The following RAB11FIP1 variants were observed in gnomAD, a reference collection of about 807,000 sequenced individuals.
RAB11FIP1 encodes rab11 family-interacting protein 1.
In RAB11FIP1, 49 loss-of-function variants were observed where a neutral mutation model predicts 83.1. The observed-to-expected ratio is 0.59, with a 90% CI of 0.47 to 0.75. RAB11FIP1 has a LOEUF of 0.75. RAB11FIP1 is among the 30% of genes least tolerant of loss of function. RAB11FIP1 has a pLI of 0.00. For missense variants in RAB11FIP1, 1,536 were observed against 1,598.7 expected (o/e 0.96, Z 0.67); for synonymous variants, 670 against 656.0 (o/e 1.02, Z -0.33).
At chr8:37,869,478 G>T (rs1806405548) in intron 5 of RAB11FIP1, among the ~76,000 whole-genome samples, 1 of 152,070 alleles carries the variant, frequency 6.6e-6, no homozygotes, top group African/African-American at 2.4e-5. Context: ...TACAGTCCCA[G>T]CTACTTGGGA....
At chr8:37,898,847 A>T (rs1224288400) in intron 1 of RAB11FIP1, among the ~76,000 whole-genome samples, 1 of 149,564 alleles carries the variant, frequency 6.7e-6, no homozygotes, top group African/African-American at 2.5e-5. Context: ...AAAGCGCCCC[A>T]GATACGGCCC....
rs375647022 is a variant in RAB11FIP1 at position 37,899,388 on chromosome 8, G to T, written c.54C>A (p.Thr18=). The change falls in exon 1 of 6, where the codon ACC becomes ACA. Residue 18 remains threonine (T), a synonymous_variant. Coordinates refer to ENST00000330843, the MANE Select transcript of RAB11FIP1 (RefSeq NM_001002814.3). This position sits in a 1 kb window ranked among gnomAD's most constrained non-coding sequence, Gnocchi z 4.5. ...CCTGCAGCACCGTCACCTGCACGTG[G>T]GTTGGGGACCACACGGCCCCCAGGC... ...GRGLGAVWSP[T]HVQVTVLQAR... The T allele has an allele frequency of 5.8e-5, 93 of 1,600,912 alleles. No homozygotes were observed. In the African/African-American group the frequency reaches 1.1e-3, roughly 19 times the overall value.
chr8:37,882,507 C>G (rs977412364), intron 1 of RAB11FIP1, among the ~76,000 whole-genome samples: 1 of 152,224 alleles, frequency 6.6e-6, no homozygotes, highest in Non-Finnish European at 1.5e-5. Flanking sequence ...GGGCACATCT[C>G]TCAATGATCT....
intron 4 of RAB11FIP1, 156 bp downstream of exon 4, chr8:37,871,122 G>T: frequency 1.2e-6 from 1 of 866,656 alleles, no homozygotes; most frequent in South Asian, 1.8e-5. Context: ...GTGTCTTGAG[G>T]TATTACCACC....
chr8:37,871,331 C>T lies in RAB11FIP1; in HGVS notation c.3471G>A (p.Glu1157=). The T allele has an allele frequency of 6.2e-7, 1 of 1,613,986 alleles. No individual in the cohort carries two copies. ...PLLQAWVSPS[E]THPVSAQPGA... ...CTGGCTGAGCTGAGACTGGATGTGT[C>T]TCCGAGGGTGAGACCCAGGCCTGGA... The change falls in exon 4 of 6, where the codon GAG becomes GAA. Residue 1157 remains glutamate (E), a synonymous_variant. Coordinates refer to ENST00000330843, the MANE Select transcript of RAB11FIP1 (RefSeq NM_001002814.3).
chr8:37,895,907 A>T (rs1189274090), intron 1 of RAB11FIP1, among the ~76,000 whole-genome samples: 1 of 152,060 alleles, frequency 6.6e-6, no homozygotes, highest in Non-Finnish European at 1.5e-5. Flanking sequence ...CACACAATCT[A>T]CAGACCAAGA....
chr8:37,867,229 T>C (rs1288991824), intron 5 of RAB11FIP1, among the ~76,000 whole-genome samples: 1 of 152,220 alleles, frequency 6.6e-6, no homozygotes, highest in Non-Finnish European at 1.5e-5. Flanking sequence ...CTGATAAATA[T>C]CATTAATTCC....
chr8:37,898,324 A>C (rs1807134588), intron 1 of RAB11FIP1, among the ~76,000 whole-genome samples: 1 of 151,774 alleles, frequency 6.6e-6, no homozygotes, highest in Non-Finnish European at 1.5e-5. Flanking sequence ...CAGCCTGGCC[A>C]ACACGGTGAA....
intron 1 of RAB11FIP1, among the ~76,000 whole-genome samples, chr8:37,894,711 CATATATATATACATATAT>C (rs1248022441): frequency 6.9e-6 from 1 of 145,060 alleles, no homozygotes; most frequent in Non-Finnish European, 1.5e-5. Context: ...CATATATATA[CATATATATATACATATAT>C]ATATATATAT....
At chr8:37,866,728 T>C (rs996919542) in intron 5 of RAB11FIP1, among the ~76,000 whole-genome samples, 1 of 152,102 alleles carries the variant, frequency 6.6e-6, no homozygotes, top group East Asian at 1.9e-4. Flanking sequence ...TTCATAACTT[T>C]AGCTATGCAA....
At chr8:37,875,459 G>A in intron 2 of RAB11FIP1, 137 bp from the exon 3 acceptor site, 2 of 675,966 alleles carry the variant, frequency 3.0e-6, no homozygotes, top group South Asian at 3.5e-5. Flanking sequence ...TATCCAGCAG[G>A]TAGAGGACAA....
chr8:37,891,827 T>G (rs1293860827), intron 1 of RAB11FIP1, among the ~76,000 whole-genome samples: 2 of 152,230 alleles, frequency 1.3e-5, no homozygotes, highest in African/African-American at 2.4e-5. Context: ...AGCAGTGACT[T>G]CATCTGCTGT....
At position 37,862,796 on chromosome 8, in the gene RAB11FIP1, G is replaced by A. The variant is rs985310097; in HGVS notation, c.*99C>T. The A allele has an allele frequency of 3.5e-5, 30 of 864,500 alleles. No individual in the cohort carries two copies. Among genetic ancestry groups the A allele is most frequent in the Admixed American group, 2.7e-4 (12 of 43,864 alleles). The allele number at this position is 864,500 out of a possible 1,614,324, so 53.6% of individuals were successfully genotyped here. A position where few individuals can be genotyped will look rare whatever the true frequency, so the allele number is the denominator to read the frequency against. ...TAACATGTGAGGGAGATGGTGATTC[G>A]GAGCCTGCTGGCTGGTTATCAGGCA... On this transcript the variant is annotated 3_prime_UTR_variant, in exon 6 of 6. Transcript: ENST00000330843.
chr8:37,865,568 C>G lies in RAB11FIP1; in HGVS notation c.3634-2455G>C, dbSNP rs979521602. 4.6e-5 allele frequency among the ~76,000 whole-genome samples: 7 copies of G among 152,300 alleles called. No individual in the cohort carries two copies. In the East Asian group the frequency reaches 7.7e-4, roughly 17 times the overall value. ...CTCCTGACCTCAAGTGATCCACCTG[C>G]CTCAGCCTCCCAAAGTGCTGGGATT... On this transcript the variant is annotated intron_variant, in intron 5 of 5. Coordinates refer to ENST00000330843, the MANE Select transcript of RAB11FIP1 (RefSeq NM_001002814.3).
rs777014895 is a variant in RAB11FIP1 at position 37,872,990 on chromosome 8, AG to A, written c.1811del (p.Ala604ValfsTer15). On this transcript the variant is annotated frameshift_variant, in exon 4 of 6. Coordinates refer to ENST00000330843, the MANE Select transcript of RAB11FIP1 (RefSeq NM_001002814.3). LOFTEE classifies it high-confidence loss of function. ...CAATTGGAGTGGATGTGGAAATGGGAGCTGCTATGGGAGATGAGAGAGAGGA... is the reference window on the plus strand; with the variant it reads ...CAATTGGAGTGGATGTGGAAATGGGACTGCTATGGGAGATGAGAGAGAGGA... ...VFSSLSSPIA[A>X]PISTSTPIES... 1 of 1,614,104 alleles carries A rather than the reference AG, an allele frequency of 6.2e-7. No individual in the cohort carries two copies. Among genetic ancestry groups the A allele is most frequent in the Middle Eastern group, 1.7e-4 (1 of 6,054 alleles).
intron 5 of RAB11FIP1, among the ~76,000 whole-genome samples, chr8:37,868,386 C>T (rs1297116888): frequency 6.8e-6 from 1 of 147,232 alleles, no homozygotes; most frequent in Non-Finnish European, 1.5e-5. Flanking sequence ...GGCGCCATTG[C>T]ACTCCATCCT....
In RAB11FIP1 at chr8:37,899,223, C is replaced by T; in HGVS notation, c.219G>A (p.Glu73=). 6.3e-7 allele frequency: 1 copy of T among 1,585,924 alleles called. No homozygotes were observed. The highest frequency in any genetic ancestry group is 8.5e-7 in the Non-Finnish European group (1 of 1,171,132). Residue 73 remains glutamate, a synonymous_variant, in exon 1 of 6, where the codon GAG becomes GAA. Transcript: ENST00000330843. The surrounding 1 kb of genome is among the most constrained non-coding windows in gnomAD (Gnocchi z 4.5). ...GTCCGGAGGACAGCAGCGATGGCAGCTCGAAGGTGGCCTCCTCGCGCCACA... is the reference window on the plus strand; with the variant it reads ...GTCCGGAGGACAGCAGCGATGGCAGTTCGAAGGTGGCCTCCTCGCGCCACA... ...APVWREEATF[E]LPSLLSSGPA...
Position 37,899,482 on chromosome 8 carries a change from G to C in RAB11FIP1, c.-41C>G. On this transcript the variant is annotated 5_prime_UTR_variant, in exon 1 of 6. Coordinates refer to ENST00000330843, the MANE Select transcript of RAB11FIP1 (RefSeq NM_001002814.3). This position sits in a 1 kb window ranked among gnomAD's most constrained non-coding sequence, Gnocchi z 4.5. ...CCAGAAGCGAGGAGAAGATCGCCGC[G>C]ACTGGCGGCCTCCACGGCCCGCCCC... 6.7e-7 allele frequency: 1 copy of C among 1,484,818 alleles called. No individual in the cohort carries two copies. The highest frequency in any genetic ancestry group is 8.9e-7 in the Non-Finnish European group (1 of 1,121,462). 92.0% of individuals were successfully genotyped at this position (1,484,818 alleles called of 1,614,324 possible).
At position 37,895,974 on chromosome 8, in the gene RAB11FIP1, G is replaced by A. The variant is rs148213666; in HGVS notation, c.371+3097C>T. On this transcript the variant is annotated intron_variant, in intron 1 of 5. Transcript: ENST00000330843. ...AATGGAGTCAAACCATTAATCACCC[G>A]TTCAAATGACTTTTCTAGCACACCT... Among the ~76,000 whole-genome samples, 309 of 152,046 alleles carry A rather than the reference G, an allele frequency of 2.0e-3. No homozygotes were observed. The Middle Eastern group carries it at 0.031, about 15-fold the overall frequency.
Sources: allele counts gnomAD v4.1 joint callset (sites outside exome capture counted in the v4.1 genomes callset), GRCh38; gene constraint gnomAD v4.1.1; non-coding constraint Gnocchi (gnomAD v3.1); transcripts MANE v1.5; gene names NCBI Gene and HGNC (gene_info 2026-07-23, HGNC 2026-07-21).